The following MACROD2 variants were observed in gnomAD, a reference collection of about 807,000 sequenced individuals.
MACROD2 encodes the protein mono-ADP ribosylhydrolase 2.
In MACROD2, 36 loss-of-function variants were observed where a neutral mutation model predicts 70.4. The ratio of observed to expected loss-of-function variants is 0.51; its 90% confidence interval spans 0.39 to 0.68. MACROD2 has a LOEUF of 0.68. MACROD2 is among the 30% of genes least tolerant of loss of function. The pLI is 0.00. For missense variants in MACROD2, 496 were observed against 538.4 expected (o/e 0.92, Z 0.78); for synonymous variants, 172 against 178.8 (o/e 0.96, Z 0.30).
intron 8 of MACROD2, among the ~76,000 whole-genome samples, chr20:15,525,594 G>A (rs2047711272): frequency 6.6e-6 from 1 of 152,192 alleles, no homozygotes; most frequent in Non-Finnish European, 1.5e-5. Flanking sequence ...ACATGAATAA[G>A]GGCAAGTCAA....
At chr20:14,069,399 T>A (rs913219302) in intron 2 of MACROD2, among the ~76,000 whole-genome samples, 1 of 152,050 alleles carries the variant, frequency 6.6e-6, no homozygotes, top group Non-Finnish European at 1.5e-5. Flanking sequence ...AGAGGCAACA[T>A]CCTTTGGACA....
At chr20:15,802,148 G>A (rs1222607337) in intron 8 of MACROD2, among the ~76,000 whole-genome samples, 3 of 151,992 alleles carry the variant, frequency 2.0e-5, no homozygotes, top group African/African-American at 7.3e-5. Context: ...CTGTGGGAAG[G>A]GACAAATTGA....
chr20:14,400,772 A>G (rs2083629264), intron 3 of MACROD2, among the ~76,000 whole-genome samples: 1 of 152,112 alleles, frequency 6.6e-6, no homozygotes, highest in Non-Finnish European at 1.5e-5. Flanking sequence ...ATGTTGTCTT[A>G]TATTTTTAGA....
intron 4 of MACROD2, among the ~76,000 whole-genome samples, chr20:14,572,494 C>T (rs1980262507): frequency 6.6e-6 from 1 of 151,936 alleles, no homozygotes; most frequent in Non-Finnish European, 1.5e-5. Context: ...TCGATGGCAG[C>T]AAGTACTCTA....
intron 5 of MACROD2, among the ~76,000 whole-genome samples, chr20:15,069,947 G>C (rs1313135170): frequency 6.6e-6 from 1 of 152,154 alleles, no homozygotes; most frequent in East Asian, 1.9e-4. Flanking sequence ...CTCTAGACAA[G>C]AGAATGGTAG....
chr20:15,623,262 A>G (rs905096236), intron 8 of MACROD2, among the ~76,000 whole-genome samples: 20 of 152,262 alleles, frequency 1.3e-4, no homozygotes, highest in Admixed American at 3.3e-4. Flanking sequence ...CCAGATAGCA[A>G]TCACTAACTT....
intron 7 of MACROD2, among the ~76,000 whole-genome samples, chr20:15,450,780 A>T (rs1461675009): frequency 6.6e-6 from 1 of 152,216 alleles, no homozygotes; most frequent in Non-Finnish European, 1.5e-5. Context: ...CAAGTCATGT[A>T]ACATGAGAAT....
chr20:14,280,039 C>T (rs912689660), intron 3 of MACROD2, among the ~76,000 whole-genome samples: 6 of 152,106 alleles, frequency 3.9e-5, no homozygotes, highest in African/African-American at 9.7e-5. Flanking sequence ...AACTTATTAA[C>T]CTAGAACATG....
chr20:15,569,929 A>G (rs193293397), intron 8 of MACROD2, among the ~76,000 whole-genome samples: 1 of 152,296 alleles, frequency 6.6e-6, no homozygotes, highest in Admixed American at 6.5e-5. Flanking sequence ...GGGTATAGTG[A>G]ATGATACTGC....
At chr20:14,997,621 T>A (rs1008959212) in intron 5 of MACROD2, among the ~76,000 whole-genome samples, 4 of 152,170 alleles carry the variant, frequency 2.6e-5, no homozygotes, top group African/African-American at 4.8e-5. Context: ...GTTCCCAAAT[T>A]CATGCCCTTG....
intron 5 of MACROD2, among the ~76,000 whole-genome samples, chr20:15,077,701 G>A (rs2075668964): frequency 6.6e-6 from 1 of 152,092 alleles, no homozygotes; most frequent in African/African-American, 2.4e-5. Flanking sequence ...GGAGGCTCAC[G>A]TTGCATTTTT....
At chr20:14,547,965 A>T (rs535053319) in intron 4 of MACROD2, among the ~76,000 whole-genome samples, 1 of 152,276 alleles carries the variant, frequency 6.6e-6, no homozygotes, top group Admixed American at 6.5e-5. Context: ...CTCCTGAGGG[A>T]TAGAGTAGTA....
At chr20:14,746,679 A>T (rs1267370003) in intron 5 of MACROD2, among the ~76,000 whole-genome samples, 1 of 152,100 alleles carries the variant, frequency 6.6e-6, no homozygotes, top group African/African-American at 2.4e-5. Flanking sequence ...CAGTGCTGAA[A>T]CTAGTCGAGG....
At chr20:14,510,844 T>A (rs1461443142) in intron 4 of MACROD2, among the ~76,000 whole-genome samples, 1 of 152,144 alleles carries the variant, frequency 6.6e-6, no homozygotes, top group Non-Finnish European at 1.5e-5. Flanking sequence ...TATTTTTAAA[T>A]GAGTTTCACA....
intron 6 of MACROD2, among the ~76,000 whole-genome samples, chr20:15,390,153 T>C (rs1346495424): frequency 6.6e-6 from 1 of 152,178 alleles, no homozygotes; most frequent in Non-Finnish European, 1.5e-5. Flanking sequence ...ACAAGTCGTC[T>C]CTGGAAGAGA....
At chr20:14,196,858 A>T (rs939265338) in intron 3 of MACROD2, among the ~76,000 whole-genome samples, 4 of 152,260 alleles carry the variant, frequency 2.6e-5, no homozygotes, top group African/African-American at 7.2e-5. Context: ...GAAAAACTAG[A>T]AACTGATTTG....
intron 5 of MACROD2, among the ~76,000 whole-genome samples, chr20:14,693,865 G>T (rs537146905): frequency 1.3e-5 from 2 of 152,116 alleles, no homozygotes; most frequent in African/African-American, 2.4e-5. Flanking sequence ...ACGCAGAACC[G>T]CTTCTTAATA....
chr20:15,726,038 G>A (rs762358330), intron 8 of MACROD2, among the ~76,000 whole-genome samples: 1 of 151,938 alleles, frequency 6.6e-6, no homozygotes, highest in Non-Finnish European at 1.5e-5. Flanking sequence ...CAGGTAAAAA[G>A]CATACTACCC....
At chr20:14,306,277 A>G (rs930917341) in intron 3 of MACROD2, among the ~76,000 whole-genome samples, 3 of 151,978 alleles carry the variant, frequency 2.0e-5, no homozygotes, top group Non-Finnish European at 2.9e-5. Context: ...GTCTGATTCT[A>G]CCTCTAAGGT....
Sources: gnomAD v4.1 joint callset for allele counts (sites outside exome capture counted in the v4.1 genomes callset) on GRCh38, gnomAD v4.1.1 for gene constraint, MANE v1.5 for transcripts, NCBI Gene and HGNC (gene_info 2026-07-23, HGNC 2026-07-21) for gene names.